The following GCM2 variants were observed in gnomAD, a reference collection of about 807,000 sequenced individuals.
GCM2 encodes the protein GCM transcription factor 2.
In GCM2, 21 loss-of-function variants were observed where a neutral mutation model predicts 24.8. The observed-to-expected ratio is 0.85, with a 90% CI of 0.60 to 1.22. The LOEUF is 1.22. GCM2 is among the 50% of genes most tolerant of loss of function. The pLI is 0.00. For synonymous variants in GCM2, 222 were observed against 238.0 expected, an observed-to-expected ratio of 0.93 and a Z score of 0.62; for missense variants, 532 against 645.6, an observed-to-expected ratio of 0.82 and a Z score of 1.91.
At position 10,874,581 on chromosome 6, in the gene GCM2, C is replaced by T; in HGVS notation, c.935G>A (p.Cys312Tyr). 1.2e-6 allele frequency: 2 copies of T among 1,614,126 alleles called. No homozygotes were observed. Among genetic ancestry groups the T allele is most frequent in the South Asian group, 1.1e-5 (1 of 91,088 alleles). Residue 312 changes from cysteine (C) to tyrosine (Y), a missense_variant, in exon 5 of 5, where the codon TGT becomes TAT. Cys to Tyr is a radical substitution (Grantham distance 194). Coordinates refer to ENST00000379491, the MANE Select transcript of GCM2 (RefSeq NM_004752.4). ...ATAGCTGCTGTATGAATTGACATTACATTGTAGTGTGTTCAGATGAACCCA... is the reference window on the plus strand; with the variant it reads ...ATAGCTGCTGTATGAATTGACATTATATTGTAGTGTGTTCAGATGAACCCA... ...TDWVHLNTLQCNVNSYSSYER... is the reference protein window; with the variant it reads ...TDWVHLNTLQYNVNSYSSYER...
rs896055129 is a variant in GCM2 at position 10,876,104 on chromosome 6, A to G, written c.457-88T>C. ...AAAAATTGATCATGCCTTTCCCAAC[A>G]TCTCAAGAGTTTAGTTTTGTTTCTT... is the stretch of plus-strand genomic sequence containing the variant. On this transcript the variant is annotated intron_variant, in intron 3 of 4. Coordinates refer to ENST00000379491, the MANE Select transcript of GCM2 (RefSeq NM_004752.4). 12 of 1,322,518 alleles carry G rather than the reference A, an allele frequency of 9.1e-6. No homozygotes were observed. In the Admixed American group the frequency reaches 2.0e-4, roughly 22 times the overall value. 81.9% of individuals were successfully genotyped at this position (1,322,518 alleles called of 1,614,324 possible).
rs201822843 is a variant in GCM2, at chr6:10,873,961, A to G, written c.*34T>C. On this transcript the variant is annotated 3_prime_UTR_variant, in exon 5 of 5. Coordinates refer to ENST00000379491, the MANE Select transcript of GCM2 (RefSeq NM_004752.4). ...TCACATTTCCCTGCCTCCTGCCTGC[A>G]TGCACACTGCTATTATGTCCCCTGG... The G allele has an allele frequency of 9.3e-6, 14 of 1,504,908 alleles. No homozygotes were observed. The highest frequency in any genetic ancestry group is 1.4e-5 in the African/African-American group (1 of 72,906). The allele number at this position is 1,504,908 out of a possible 1,614,324, so 93.2% of individuals were successfully genotyped here.
chr6:10,881,388 C>A (rs370221133), intron 1 of GCM2, among the ~76,000 whole-genome samples: 1 of 152,000 alleles, frequency 6.6e-6, no homozygotes, highest in Non-Finnish European at 1.5e-5. Context: ...GAACTCCCGA[C>A]CTCAGATGAT....
intron 1 of GCM2, 34 bp downstream of exon 1, chr6:10,881,670 G>T (rs1016074400): frequency 6.6e-7 from 1 of 1,509,636 alleles, no homozygotes. Context: ...GATGGACAGC[G>T]CCCCGCGTGC....
chr6:10,874,609 CTG>C lies in GCM2; in HGVS notation c.905_906del (p.Thr302ArgfsTer11). ...TGTAGTGTGTTCAGATGAACCCAGTCTGTGTCATTAGGGATACTGGTGGAATC... is the reference window on the plus strand; with the variant it reads ...TGTAGTGTGTTCAGATGAACCCAGTCTGTCATTAGGGATACTGGTGGAATC... The part of the protein sequence containing the change: ...YKDSTSIPND[T>X]DWVHLNTLQC... On this transcript the variant is annotated frameshift_variant, in exon 5 of 5. Transcript: ENST00000379491. LOFTEE classifies it low-confidence loss of function (END_TRUNC). 1 of 1,613,988 alleles carries C rather than the reference CTG, an allele frequency of 6.2e-7. No homozygotes were observed. The highest frequency in any genetic ancestry group is 8.5e-7 in the Non-Finnish European group (1 of 1,179,904).
chr6:10,879,935 T>A (rs1281231425), intron 1 of GCM2, among the ~76,000 whole-genome samples: 1 of 152,090 alleles, frequency 6.6e-6, no homozygotes, highest in African/African-American at 2.4e-5. Flanking sequence ...AATGGTACCA[T>A]GTGACTCTAA....
At chr6:10,875,292 C>T (rs1284106831) in intron 4 of GCM2, among the ~76,000 whole-genome samples, 1 of 152,202 alleles carries the variant, frequency 6.6e-6, no homozygotes, top group East Asian at 1.9e-4. Context: ...GTACAAGCCA[C>T]TTAACCTCTC....
At chr6:10,879,963 A>G (rs1779935508) in intron 1 of GCM2, among the ~76,000 whole-genome samples, 2 of 152,158 alleles carry the variant, frequency 1.3e-5, no homozygotes, top group South Asian at 4.1e-4. Context: ...AGACTTTAAA[A>G]CAAAGGAGTG....
At chr6:10,879,411 A>T (rs964645238) in intron 1 of GCM2, among the ~76,000 whole-genome samples, 1 of 152,180 alleles carries the variant, frequency 6.6e-6, no homozygotes, top group Non-Finnish European at 1.5e-5. Flanking sequence ...TAAAATCAGT[A>T]CAAGAATAGA....
intron 4 of GCM2, among the ~76,000 whole-genome samples, chr6:10,875,241 A>T (rs981907199): frequency 1.3e-5 from 2 of 152,196 alleles, no homozygotes; most frequent in African/African-American, 4.8e-5. Flanking sequence ...TAGGAGCCAC[A>T]CGGGCCTGGG....
In GCM2 at chr6:10,874,712, C is replaced by T. The variant is rs1779852695; in HGVS notation, c.804G>A (p.Leu268=). The T allele has an allele frequency of 1.2e-6, 2 of 1,613,894 alleles. No individual in the cohort carries two copies. The highest frequency in any genetic ancestry group is 1.3e-5 in the African/African-American group (1 of 74,866). ...ATTCATAGCTGCAAGGTGGCCTAGG[C>T]AAATAGATTCTTGGGCTTGAGTATT... ...FQKYSSPRIY[L]PRPPCSYELA... The change falls in exon 5 of 5, where the codon TTG becomes TTA. Residue 268 remains leucine, a synonymous_variant. Transcript: ENST00000379491.
chr6:10,879,493 T>C (rs983181916), intron 1 of GCM2, among the ~76,000 whole-genome samples: 138 of 152,286 alleles, frequency 9.1e-4, no homozygotes, highest in African/African-American at 3.2e-3. Context: ...TACACACACA[T>C]AGACACTGAA....
At chr6:10,879,516 C>T (rs1304073804) in intron 1 of GCM2, among the ~76,000 whole-genome samples, 2 of 152,070 alleles carry the variant, frequency 1.3e-5, no homozygotes, top group Non-Finnish European at 2.9e-5. Context: ...TGATCGTAGA[C>T]CTGGAGGAGA....
At chr6:10,876,803 C>G (rs796338296) in intron 2 of GCM2, among the ~76,000 whole-genome samples, 23 of 152,330 alleles carry the variant, frequency 1.5e-4, no homozygotes, top group African/African-American at 5.3e-4. Flanking sequence ...GTGGCTCACG[C>G]CTCTAATCCC....
chr6:10,874,518 C>T lies in GCM2; in HGVS notation c.998G>A (p.Trp333Ter). Residue 333 changes from tryptophan to a stop codon, truncating the protein, a stop_gained, in exon 5 of 5, where the codon TGG becomes TAG. Coordinates refer to ENST00000379491, the MANE Select transcript of GCM2 (RefSeq NM_004752.4). LOFTEE classifies it low-confidence loss of function (END_TRUNC). ...SFDFTNKQHGWKPALGKPSLV... is the reference protein window; with the variant it reads ...SFDFTNKQHG The stretch of plus-strand genomic sequence containing the variant: ...GCTGGGTTTTCCAAGAGCTGGTTTC[C>T]AGCCATGCTGTTTGTTGGTGAAATC... 2 of 1,614,196 alleles carry T rather than the reference C, an allele frequency of 1.2e-6. No homozygotes were observed. The highest frequency in any genetic ancestry group is 1.7e-6 in the Non-Finnish European group (2 of 1,180,022).
At chr6:10,874,998 A>G (rs1037991329) in intron 4 of GCM2, 65 bp from the exon 5 acceptor site, 2 of 1,123,850 alleles carry the variant, frequency 1.8e-6, no homozygotes, top group Non-Finnish European at 2.7e-6. Context: ...CACCTGTAAC[A>G]ATAGCCTAGA....
chr6:10,874,302 A>C lies in GCM2; in HGVS notation c.1214T>G (p.Val405Gly). The C allele has an allele frequency of 1.9e-6, 3 of 1,614,238 alleles. No homozygotes were observed. The South Asian group carries it at 3.3e-5, about 18-fold the overall frequency. The change falls in exon 5 of 5, where the codon GTG (valine) becomes GGG (glycine). Residue 405 changes from valine to glycine, a missense_variant. Transcript: ENST00000379491. The stretch of plus-strand genomic sequence containing the variant: ...GCTCGAAAGGCTCTTCACCTCTCGC[A>C]CACTGTCACTGTATTTCATAGCAGG... ...QPPAMKYSDS[V>G]REVKSLSSCN...
chr6:10,876,021 G>A lies in GCM2; in HGVS notation c.457-5C>T, dbSNP rs371440590. 19 of 1,613,768 alleles carry A rather than the reference G, an allele frequency of 1.2e-5. No homozygotes were observed. The African/African-American group carries it at 1.5e-4, about 12-fold the overall frequency. Reference sequence around the variant, plus strand: ...ATGATCATGAACTCCCTTGGCCTGCGATAACGAGAAAATGAATCATACATT... The same window carrying A: ...ATGATCATGAACTCCCTTGGCCTGCAATAACGAGAAAATGAATCATACATT... On this transcript the variant is annotated splice_polypyrimidine_tract_variant and splice_region_variant and intron_variant, in intron 3 of 4. Coordinates refer to ENST00000379491, the MANE Select transcript of GCM2 (RefSeq NM_004752.4).
intron 4 of GCM2, among the ~76,000 whole-genome samples, chr6:10,875,449 C>G (rs963098045): frequency 6.6e-6 from 1 of 152,202 alleles, no homozygotes; most frequent in Non-Finnish European, 1.5e-5. Context: ...GTTATCCTTA[C>G]ACTAACACTC....
Sources: allele counts gnomAD v4.1 joint callset (sites outside exome capture counted in the v4.1 genomes callset), GRCh38; gene constraint gnomAD v4.1.1; transcripts MANE v1.5; gene names NCBI Gene and HGNC (gene_info 2026-07-23, HGNC 2026-07-21).